The following NOM1 variants were observed in gnomAD, a reference collection of about 807,000 sequenced individuals.
NOM1 encodes nucleolar MIF4G domain-containing protein 1.
In NOM1, 58 loss-of-function variants were observed where a neutral mutation model predicts 73.3. The ratio of observed to expected loss-of-function variants is 0.79; its 90% CI spans 0.64 to 0.99. NOM1 has a LOEUF of 0.99. Ranked by LOEUF, NOM1 falls within the 50% of genes least tolerant of loss-of-function variation. The pLI is 0.00. For synonymous variants in NOM1, 487 were observed against 446.8 expected (o/e 1.09, Z -1.14); for missense variants, 1,226 against 1,131.9 (o/e 1.08, Z -1.19).
At chr7:156,954,802 C>T (rs559804718) in intron 3 of NOM1, among the ~76,000 whole-genome samples, 3 of 152,220 alleles carry the variant, frequency 2.0e-5, no homozygotes, top group Admixed American at 2.0e-4. Flanking sequence ...CTGCCATGCC[C>T]AGCCCTGTTC....
intron 6 of NOM1, 98 bp downstream of exon 6, chr7:156,963,273 A>G: frequency 1.6e-6 from 2 of 1,265,926 alleles, no homozygotes; most frequent in South Asian, 2.5e-5. Flanking sequence ...CTGTTCTTGA[A>G]TGGTCACTGA....
At chr7:156,952,759 G>A (rs955341858) in intron 2 of NOM1, among the ~76,000 whole-genome samples, 161 bp downstream of exon 2, 1 of 151,952 alleles carries the variant, frequency 6.6e-6, no homozygotes, top group Non-Finnish European at 1.5e-5. Flanking sequence ...CCCATACCTC[G>A]AGAAGGAGAG....
At chr7:156,969,463 AC>A (rs536972485) in intron 10 of NOM1, 65 bp from the exon 11 acceptor site, 1 of 1,371,038 alleles carries the variant, frequency 7.3e-7, no homozygotes, top group South Asian at 1.3e-5. Context: ...TATGCGAGAT[AC>A]CCAGGATTGA....
In NOM1 at chr7:156,950,572, C is replaced by G. The variant is rs146476387; in HGVS notation, c.835C>G (p.Gln279Glu). Reference protein sequence around the residue: ...KEKKAQEAEAQSEDDDEDTEE... With the variant: ...KEKKAQEAEAESEDDDEDTEE... ...AAAGAAGGCGCAGGAAGCAGAAGCG[C>G]AGAGCGAGGACGACGACGAGGATAC... is the stretch of plus-strand genomic sequence containing the variant. The change falls in exon 1 of 11, where the codon CAG (glutamine) becomes GAG (glutamate). Residue 279 changes from glutamine to glutamate, a missense_variant. Coordinates refer to ENST00000275820, the MANE Select transcript of NOM1 (RefSeq NM_138400.2). 2.5e-6 allele frequency: 4 copies of G among 1,603,814 alleles called. No homozygotes were observed. In the African/African-American group the frequency reaches 5.4e-5, roughly 22 times the overall value.
rs762400061 is a variant in NOM1 at position 156,963,134 on chromosome 7, A to C, written c.1870A>C (p.Asn624His). The change falls in exon 6 of 11, where the codon AAC becomes CAC. Residue 624 changes from asparagine to histidine, a missense_variant. Asn to His is a moderately conservative substitution (Grantham distance 68, BLOSUM62 1). Transcript: ENST00000275820. Reference protein sequence around the residue: ...SAWSGAPMIDNSHHTHLQKQL... With the variant: ...SAWSGAPMIDHSHHTHLQKQL... ...CTGGAGTGGGGCCCCGATGATCGAC[A>C]ACAGTCACCATACGCACCTGCAGAA... 6.2e-7 allele frequency: 1 copy of C among 1,614,146 alleles called. No individual in the cohort carries two copies. The highest frequency in any genetic ancestry group is 8.5e-7 in the Non-Finnish European group (1 of 1,180,032).
At chr7:156,952,364 A>C in intron 1 of NOM1, 110 bp from the exon 2 acceptor site, 1 of 1,117,426 alleles carries the variant, frequency 8.9e-7, no homozygotes, top group Non-Finnish European at 1.3e-6. Flanking sequence ...GATCAGTAGC[A>C]GCTTCCACCA....
chr7:156,955,791 TGCTA>T (rs1804705991), intron 3 of NOM1, among the ~76,000 whole-genome samples: 1 of 152,238 alleles, frequency 6.6e-6, no homozygotes, highest in Non-Finnish European at 1.5e-5. Flanking sequence ...TCTACTGCAA[TGCTA>T]GTCACATTCA....
At chr7:156,963,737 A>G (rs1804926314) in intron 6 of NOM1, 168 bp from the exon 7 acceptor site, 4 of 625,746 alleles carry the variant, frequency 6.4e-6, no homozygotes, top group Non-Finnish European at 1.0e-5. Context: ...TGGCTTCACT[A>G]TGTGTTCCCC....
intron 9 of NOM1, chr7:156,968,810 A>G (rs540594528): frequency 6.9e-6 from 2 of 291,338 alleles, no homozygotes; most frequent in South Asian, 7.6e-5. Flanking sequence ...TTTCTGATTC[A>G]TAAGGTGTAT....
At chr7:156,952,772 T>C (rs1008838826) in intron 2 of NOM1, among the ~76,000 whole-genome samples, 174 bp downstream of exon 2, 4 of 151,928 alleles carry the variant, frequency 2.6e-5, no homozygotes, top group African/African-American at 4.8e-5. Flanking sequence ...AAGGAGAGGA[T>C]ACCCGACTGT....
Position 156,954,262 on chromosome 7 carries a change from C to G in NOM1, c.1272C>G (p.Leu424=), listed in dbSNP as rs1212994696. 6.2e-7 allele frequency: 1 copy of G among 1,607,108 alleles called. No individual in the cohort carries two copies. Among genetic ancestry groups the G allele is most frequent in the Non-Finnish European group, 8.5e-7 (1 of 1,177,442 alleles). Residue 424 remains leucine (L), a synonymous_variant, in exon 3 of 11, where the codon CTC becomes CTG. Coordinates refer to ENST00000275820, the MANE Select transcript of NOM1 (RefSeq NM_138400.2). The part of the protein sequence containing the change: ...MPSRLMMEHV[L]LVSILHHTVG... ...GCAGACTGATGATGGAGCATGTTCT[C>G]TTAGTCAGCATCCTTCACCACACAG... is the stretch of plus-strand genomic sequence containing the variant.
At chr7:156,964,368 G>A (rs2134793274) in intron 7 of NOM1, 1 of 161,644 alleles carries the variant, frequency 6.2e-6, no homozygotes, top group South Asian at 1.9e-4. Context: ...GTGGCTGTTG[G>A]TTGTCACGAA....
At chr7:156,955,013 A>G (rs932969535) in intron 3 of NOM1, among the ~76,000 whole-genome samples, 7 of 152,192 alleles carry the variant, frequency 4.6e-5, no homozygotes, top group African/African-American at 1.7e-4. Context: ...CTGCCTGGAC[A>G]TGTTCAGGGA....
chr7:156,969,162 A>T lies in NOM1; in HGVS notation c.2374A>T (p.Thr792Ser), dbSNP rs1262254844. ...AGTATTAAGTATCCTATTAATGGAA[A>T]CAGAAGTTGAAGACCTCAGTTTAAT... ...RKVLSILLME[T>S]EVEDLSLIFT... The change falls in exon 10 of 11, where the codon ACA becomes TCA. Residue 792 changes from threonine (T) to serine (S), a missense_variant. Transcript: ENST00000275820. 1 of 1,596,882 alleles carries T rather than the reference A, an allele frequency of 6.3e-7. No individual in the cohort carries two copies. The highest frequency in any genetic ancestry group is 2.2e-5 in the East Asian group (1 of 44,824).
chr7:156,966,858 A>G lies in NOM1; in HGVS notation c.2167-103A>G, dbSNP rs966498454. ...TAAAAGTCTTGATGTTTAGAATATT[A>G]AAAATAAGATAATAAGAAAATACCT... On this transcript the variant is annotated intron_variant, in intron 8 of 10. Coordinates refer to ENST00000275820, the MANE Select transcript of NOM1 (RefSeq NM_138400.2). 8.7e-6 allele frequency: 11 copies of G among 1,269,542 alleles called. No individual in the cohort carries two copies. In the Middle Eastern group the frequency reaches 5.9e-4, roughly 68 times the overall value. 78.6% of individuals were successfully genotyped at this position (1,269,542 alleles called of 1,614,324 possible).
intron 5 of NOM1, 53 bp from the exon 6 acceptor site, chr7:156,962,955 G>A: frequency 6.4e-7 from 1 of 1,564,122 alleles, no homozygotes; most frequent in Middle Eastern, 1.7e-4. Context: ...GTGATGGAAG[G>A]ACGGAATATG....
At position 156,971,048 on chromosome 7, in the gene NOM1, C is replaced by T. The variant is rs1208468211; in HGVS notation, c.*1345C>T. 2.0e-5 allele frequency: 3 copies of T among 152,214 alleles called. No homozygotes were observed. Among genetic ancestry groups the T allele is most frequent in the African/African-American group, 7.2e-5 (3 of 41,448 alleles). 9.4% of individuals were successfully genotyped at this position (152,214 alleles called of 1,614,324 possible). A position where few individuals can be genotyped will look rare whatever the true frequency, so the allele number is the denominator to read the frequency against. On this transcript the variant is annotated 3_prime_UTR_variant, in exon 11 of 11. Transcript: ENST00000275820. ...TCTAGTGGGAGAAACAAACACACCC[C>T]ACTCACTAAGTATGGAAAACTGATT...
chr7:156,962,154 C>A lies in NOM1; in HGVS notation c.1636C>A (p.Arg546=). Reference sequence around the variant, plus strand: ...CATTTTTTCATTTTTCTTGAAGATTCGGTTTATGCTAGAGACGATGTTGGC... The same window carrying A: ...CATTTTTTCATTTTTCTTGAAGATTAGGTTTATGCTAGAGACGATGTTGGC... ...GSEFQDQTRI[R]FMLETMLALK... Residue 546 remains arginine, a synonymous_variant, in exon 5 of 11, where the codon CGG becomes AGG. Transcript: ENST00000275820. 2 of 1,612,746 alleles carry A rather than the reference C, an allele frequency of 1.2e-6. No homozygotes were observed. Among genetic ancestry groups the A allele is most frequent in the Admixed American group, 1.7e-5 (1 of 59,964 alleles).
chr7:156,956,607 G>A (rs997786481), intron 3 of NOM1, among the ~76,000 whole-genome samples: 2 of 152,196 alleles, frequency 1.3e-5, no homozygotes, highest in African/African-American at 2.4e-5. Context: ...TTTTTGAAAG[G>A]CCTGTGGGGC....
Sources: allele counts gnomAD v4.1 joint callset (sites outside exome capture counted in the v4.1 genomes callset), GRCh38; gene constraint gnomAD v4.1.1; transcripts MANE v1.5; gene names NCBI Gene and HGNC (gene_info 2026-07-23, HGNC 2026-07-21).